The following PPP2R2D variants were observed in gnomAD, a reference collection of about 807,000 sequenced individuals.
PPP2R2D encodes serine/threonine-protein phosphatase 2A 55 kDa regulatory subunit B delta isoform.
Under a neutral mutation model 31.1 loss-of-function variants are expected in PPP2R2D, and 9 were observed. That is an observed-to-expected ratio of 0.29 (90% CI 0.17 to 0.51). The LOEUF (loss-of-function observed/expected upper bound fraction) is 0.51. Among genes scored for constraint, PPP2R2D ranks in the 20% least tolerant of loss-of-function variants. PPP2R2D has a pLI of 0.98. For missense variants in PPP2R2D, 391 were observed against 465.6 expected (o/e 0.84, Z 1.48); for synonymous variants, 179 against 172.6 (o/e 1.04, Z -0.29).
chr10:131,956,639 G>A lies in PPP2R2D; in HGVS notation c.*676G>A. Reference sequence around the variant, plus strand: ...GGAACTAACTGTTTGAGAAATGTGTGTCCTTCTTTGGCAGCGTGGGGGTAT... The same window carrying A: ...GGAACTAACTGTTTGAGAAATGTGTATCCTTCTTTGGCAGCGTGGGGGTAT... On this transcript the variant is annotated 3_prime_UTR_variant, in exon 9 of 9. Coordinates refer to ENST00000455566, the MANE Select transcript of PPP2R2D (RefSeq NM_018461.5). 1 of 880,042 alleles carries A rather than the reference G, an allele frequency of 1.1e-6. No individual in the cohort carries two copies. The highest frequency in any genetic ancestry group is 1.4e-6 in the Non-Finnish European group (1 of 733,858). 54.5% of individuals were successfully genotyped at this position (880,042 alleles called of 1,614,324 possible). A position where few individuals can be genotyped will look rare whatever the true frequency, so the allele number is the denominator to read the frequency against.
At chr10:131,910,901 G>T (rs1014656116) in intron 2 of PPP2R2D, among the ~76,000 whole-genome samples, 1 of 152,220 alleles carries the variant, frequency 6.6e-6, no homozygotes, top group Non-Finnish European at 1.5e-5. Context: ...TATGGACTGG[G>T]TTTGAAGATA....
chr10:131,917,107 A>G (rs1276738725), intron 2 of PPP2R2D, among the ~76,000 whole-genome samples: 1 of 142,828 alleles, frequency 7.0e-6, no homozygotes, highest in Non-Finnish European at 1.5e-5. Flanking sequence ...GTGGAATGAC[A>G]CAGTGTTTGC....
chr10:131,926,001 G>A (rs2036097930), intron 2 of PPP2R2D, among the ~76,000 whole-genome samples: 1 of 152,090 alleles, frequency 6.6e-6, no homozygotes, highest in African/African-American at 2.4e-5. Flanking sequence ...ATGTGTTAAG[G>A]GACGGGATTT....
chr10:131,930,846 A>C (rs1051866655), intron 2 of PPP2R2D, among the ~76,000 whole-genome samples: 2 of 152,188 alleles, frequency 1.3e-5, no homozygotes, highest in African/African-American at 4.8e-5. Flanking sequence ...GAGGTGGGCC[A>C]CCGAAACTGA....
chr10:131,964,618 A>C (rs2120128291), downstream of PPP2R2D, among the ~76,000 whole-genome samples: 1 of 151,608 alleles, frequency 6.6e-6, no homozygotes, highest in East Asian at 1.9e-4. Flanking sequence ...CTGTGGTTTC[A>C]GGATTGCCAA....
At chr10:131,951,795 G>A (rs544646886) in intron 8 of PPP2R2D, among the ~76,000 whole-genome samples, 124 of 152,272 alleles carry the variant, frequency 8.1e-4, no homozygotes, top group South Asian at 2.1e-3. Context: ...ACTCCAGCCT[G>A]GGCGATAGAG....
intron 2 of PPP2R2D, among the ~76,000 whole-genome samples, chr10:131,904,909 A>G (rs890745339): frequency 6.6e-6 from 1 of 152,058 alleles, no homozygotes; most frequent in Non-Finnish European, 1.5e-5. Context: ...TAAAACTAAT[A>G]GTTTTGGGCT....
intron 2 of PPP2R2D, among the ~76,000 whole-genome samples, chr10:131,926,133 C>G (rs535002563): frequency 6.6e-6 from 1 of 152,196 alleles, no homozygotes; most frequent in Non-Finnish European, 1.5e-5. Flanking sequence ...TCTCCTGCCT[C>G]TATCAGTAAT....
intron 3 of PPP2R2D, among the ~76,000 whole-genome samples, chr10:131,938,898 A>G (rs1387812996): frequency 1.3e-5 from 2 of 152,228 alleles, no homozygotes; most frequent in Admixed American, 6.5e-5. Flanking sequence ...GCTCTCCTCT[A>G]GAGCAGACTC....
At chr10:131,961,156 C>T (rs571909144), downstream of PPP2R2D, among the ~76,000 whole-genome samples, 3 of 152,284 alleles carry the variant, frequency 2.0e-5, no homozygotes, top group East Asian at 5.8e-4. Flanking sequence ...TGCCCGCGGC[C>T]GACGCTTCCC....
At chr10:131,920,818 AC>A (rs1564813594) in intron 2 of PPP2R2D, among the ~76,000 whole-genome samples, 3 of 152,120 alleles carry the variant, frequency 2.0e-5, no homozygotes, top group Admixed American at 6.5e-5. Context: ...AATCTCAGCT[AC>A]TCAGGAGGCT....
Position 131,947,644 on chromosome 10 carries a change from T to TGTA in PPP2R2D, c.937_938insAGT (p.Leu312_Ser313insTer). Reference sequence around the variant, plus strand: ...CGGTACATGATGACCAGAGACTACCTGTCGGTGAAGGTGTGGGACCTCAAC... The same window carrying TGTA: ...CGGTACATGATGACCAGAGACTACCTGTAGTCGGTGAAGGTGTGGGACCTCAAC... On this transcript the variant is annotated stop_gained and inframe_insertion, in exon 8 of 9. Coordinates refer to ENST00000455566, the MANE Select transcript of PPP2R2D (RefSeq NM_018461.5). LOFTEE classifies it high-confidence loss of function. The surrounding 1 kb of genome is among the most constrained non-coding windows in gnomAD (Gnocchi z 4.3). 1 of 1,614,242 alleles carries TGTA rather than the reference T, an allele frequency of 6.2e-7. No individual in the cohort carries two copies. Among genetic ancestry groups the TGTA allele is most frequent in the Non-Finnish European group, 8.5e-7 (1 of 1,180,036 alleles).
the PPP2R2D span, chr10:131,968,374 C>A: frequency 1.5e-6 from 1 of 656,580 alleles, no homozygotes; most frequent in East Asian, 2.8e-5. Context: ...AGTGTCTATT[C>A]TTTTATTTTA....
At chr10:131,964,664 ATGTTT>A (rs1180688899), downstream of PPP2R2D, among the ~76,000 whole-genome samples, 13 of 126,748 alleles carry the variant, frequency 1.0e-4, no homozygotes, top group South Asian at 1.0e-3. Flanking sequence ...AGAGTTTACT[ATGTTT>A]TTTTTTTTTT....
At chr10:131,904,562 G>A (rs2035553151) in intron 2 of PPP2R2D, among the ~76,000 whole-genome samples, 1 of 152,140 alleles carries the variant, frequency 6.6e-6, no homozygotes, top group African/African-American at 2.4e-5. Context: ...GTGCACTGCT[G>A]CTCAGGCTGT....
chr10:131,908,621 C>G (rs2035634847), intron 2 of PPP2R2D, among the ~76,000 whole-genome samples: 1 of 152,208 alleles, frequency 6.6e-6, no homozygotes, highest in Admixed American at 6.5e-5. Flanking sequence ...CCTCTTCAGG[C>G]TTTGTGTTAA....
At chr10:131,920,680 C>G (rs1387002164) in intron 2 of PPP2R2D, among the ~76,000 whole-genome samples, 2 of 152,156 alleles carry the variant, frequency 1.3e-5, no homozygotes, top group Non-Finnish European at 1.5e-5. Flanking sequence ...GTAATCCCAG[C>G]ACTTTGGGAG....
chr10:131,953,601 C>T (rs1444302793), intron 8 of PPP2R2D, among the ~76,000 whole-genome samples: 2 of 116,790 alleles, frequency 1.7e-5, no homozygotes, highest in Admixed American at 2.1e-4. Flanking sequence ...TGCGGGTATG[C>T]GGGGGTTCAT....
At chr10:131,920,256 CGTG>C (rs1347772982) in intron 2 of PPP2R2D, among the ~76,000 whole-genome samples, 4 of 138,820 alleles carry the variant, frequency 2.9e-5, no homozygotes, top group Non-Finnish European at 3.1e-5. Flanking sequence ...AGGGACCTGA[CGTG>C]GGTGGAATGA....
Sources: allele counts gnomAD v4.1 joint callset (sites outside exome capture counted in the v4.1 genomes callset), GRCh38; gene constraint gnomAD v4.1.1; non-coding constraint Gnocchi (gnomAD v3.1); transcripts MANE v1.5; gene names NCBI Gene and HGNC (gene_info 2026-07-23, HGNC 2026-07-21).